The following SCAPER variants were observed in gnomAD, a reference collection of about 807,000 sequenced individuals.
SCAPER encodes S-phase cyclin A associated protein in the ER, also known as S phase cyclin A-associated protein in the endoplasmic reticulum.
In SCAPER, 98 loss-of-function variants were observed where a neutral mutation model predicts 182.2. That is an observed-to-expected ratio of 0.54 (90% confidence interval 0.46 to 0.64). The LOEUF is 0.64. Ranked by LOEUF, SCAPER falls within the 30% of genes least tolerant of loss-of-function variation. The pLI is 0.00. For synonymous variants in SCAPER, 605 were observed against 564.6 expected, an observed-to-expected ratio of 1.07 and a Z score of -1.01; for missense variants, 1,432 against 1,690.0, an observed-to-expected ratio of 0.85 and a Z score of 2.68.
chr15:76,404,570 C>T lies in SCAPER; in HGVS notation c.3421G>A (p.Gly1141Arg), dbSNP rs189390585. Reference protein sequence around the residue: ...KMAIFLQHAAGLLHAMCTLCF... With the variant: ...KMAIFLQHAARLLHAMCTLCF... ...AGTGTACACATTGCATGTAAGAGTC[C>T]TGCGGCATGCTGCAGAAATATGGCC... Residue 1141 changes from glycine to arginine, a missense_variant, in exon 27 of 32, where the codon GGA (glycine) becomes AGA (arginine). This residue lies in a region of SCAPER where 718 missense variants were observed against 799.7 expected (regional missense o/e 0.90). Coordinates refer to ENST00000563290, the MANE Select transcript of SCAPER (RefSeq NM_020843.4). The T allele has an allele frequency of 3.1e-6, 5 of 1,613,482 alleles. No individual in the cohort carries two copies. In the African/African-American group the frequency reaches 6.7e-5, roughly 22 times the overall value.
intron 8 of SCAPER, among the ~76,000 whole-genome samples, chr15:76,781,137 T>C (rs754906097): frequency 3.3e-5 from 5 of 152,132 alleles, no homozygotes; most frequent in East Asian, 3.9e-4. Flanking sequence ...CTAAAAAACA[T>C]TGAAAAAAGG....
intron 26 of SCAPER, among the ~76,000 whole-genome samples, chr15:76,431,704 A>AAAAAAAAAAAAAAAAAAAAAAGG (rs61401621): frequency 7.8e-6 from 1 of 127,514 alleles, no homozygotes; most frequent in African/African-American, 2.7e-5. Flanking sequence ...AAAAAAAAAA[A>AAAAAAAAAAAAAAAAAAAAAAGG]TGCTTTGTTT....
intron 22 of SCAPER, among the ~76,000 whole-genome samples, chr15:76,611,728 T>C (rs57178708): frequency 0.38 from 57,779 of 151,944 alleles, 13,034 homozygotes; most frequent in Middle Eastern, 0.52. Context: ...CAGTAGCACA[T>C]CAAAAAGCTT....
rs1596246295 is a variant in SCAPER, at chr15:76,348,335, G to C, written c.*298C>G. 1 of 190,562 alleles carries C rather than the reference G, an allele frequency of 5.2e-6. No homozygotes were observed. Among genetic ancestry groups the C allele is most frequent in the East Asian group, 1.3e-4 (1 of 7,850 alleles). 11.8% of individuals were successfully genotyped at this position (190,562 alleles called of 1,614,324 possible). A position where few individuals can be genotyped will look rare whatever the true frequency, so the allele number is the denominator to read the frequency against. ...TTTATTACAAGAACAAAACAGACTT[G>C]CTAATTTTATGTCTCCTTTCACCCA... is the stretch of plus-strand genomic sequence containing the variant. On this transcript the variant is annotated 3_prime_UTR_variant, in exon 32 of 32. Transcript: ENST00000563290.
chr15:76,779,123 GC>G (rs2063931857), intron 8 of SCAPER, among the ~76,000 whole-genome samples: 1 of 151,772 alleles, frequency 6.6e-6, no homozygotes, highest in Non-Finnish European at 1.5e-5. Flanking sequence ...TGGAAAAACA[GC>G]AACTGACAGA....
chr15:76,428,301 C>T (rs1179980629), intron 26 of SCAPER, among the ~76,000 whole-genome samples: 1 of 152,164 alleles, frequency 6.6e-6, no homozygotes, highest in Non-Finnish European at 1.5e-5. Flanking sequence ...GGTATCTACA[C>T]TCCCATGTTT....
intron 5 of SCAPER, among the ~76,000 whole-genome samples, chr15:76,829,175 C>T (rs2151701558): frequency 6.6e-6 from 1 of 152,180 alleles, no homozygotes; most frequent in East Asian, 1.9e-4. Context: ...GAGTTGGAGG[C>T]CATTATTCTA....
At chr15:76,546,828 T>C (rs2045335428) in intron 23 of SCAPER, among the ~76,000 whole-genome samples, 1 of 152,274 alleles carries the variant, frequency 6.6e-6, no homozygotes, top group Non-Finnish European at 1.5e-5. Flanking sequence ...TCTAGAAAGG[T>C]ATCTGGCATA....
intron 23 of SCAPER, among the ~76,000 whole-genome samples, chr15:76,540,468 T>C (rs1191013569): frequency 6.6e-6 from 1 of 152,130 alleles, no homozygotes; most frequent in African/African-American, 2.4e-5. Flanking sequence ...TGTGTTGACA[T>C]GAGATGTTCA....
chr15:76,713,835 A>G (rs1443023076), intron 17 of SCAPER, among the ~76,000 whole-genome samples: 1 of 152,136 alleles, frequency 6.6e-6, no homozygotes, highest in African/African-American at 2.4e-5. Context: ...AGTTTCCTAA[A>G]AAGTTTGATA....
At position 76,603,271 on chromosome 15, in the gene SCAPER, C is replaced by T. The variant is rs571688245; in HGVS notation, c.2711+18493G>A. ...TCATTGTTCAATTCCCACCTATGAG[C>T]GAGAACATGCGGTGTTTTTTTGTCC... On this transcript the variant is annotated intron_variant, in intron 22 of 31. Transcript: ENST00000563290. Among the ~76,000 whole-genome samples, 82 of 118,860 alleles carry T rather than the reference C, an allele frequency of 6.9e-4. 19 individuals carry two copies. The highest frequency in any genetic ancestry group is 4.3e-3 in the East Asian group (19 of 4,454). The allele number at this position is 118,860 out of a possible 152,430, so 78.0% of individuals were successfully genotyped here.
intron 28 of SCAPER, among the ~76,000 whole-genome samples, chr15:76,377,067 G>A (rs1272381508): frequency 2.0e-5 from 3 of 152,184 alleles, no homozygotes; most frequent in Non-Finnish European, 4.4e-5. Flanking sequence ...GAATATACTC[G>A]CAGCCCACAC....
intron 26 of SCAPER, among the ~76,000 whole-genome samples, chr15:76,409,501 G>C (rs888486316): frequency 6.7e-6 from 1 of 150,040 alleles, no homozygotes; most frequent in African/African-American, 2.5e-5. Context: ...TATACATTAT[G>C]TGTGTGTGTG....
chr15:76,905,026 G>C (rs1442583671), intron 1 of SCAPER, among the ~76,000 whole-genome samples: 1 of 152,106 alleles, frequency 6.6e-6, no homozygotes, highest in Non-Finnish European at 1.5e-5. Flanking sequence ...CCCCAGATGA[G>C]CCCGCAGGGC....
intron 22 of SCAPER, among the ~76,000 whole-genome samples, chr15:76,578,262 C>T (rs1240632355): frequency 2.6e-5 from 4 of 152,164 alleles, no homozygotes; most frequent in African/African-American, 4.8e-5. Context: ...TGGACCTGCT[C>T]GGGCCAGGCA....
chr15:76,411,404 AT>A (rs1165420180), intron 26 of SCAPER, among the ~76,000 whole-genome samples: 3 of 152,170 alleles, frequency 2.0e-5, no homozygotes, highest in Non-Finnish European at 4.4e-5. Flanking sequence ...ACTGGCAAGT[AT>A]AATGCAAATA....
At chr15:76,528,304 G>C (rs1046343484) in intron 23 of SCAPER, among the ~76,000 whole-genome samples, 6 of 151,860 alleles carry the variant, frequency 4.0e-5, no homozygotes, top group Non-Finnish European at 8.8e-5. Flanking sequence ...CATTTCTACT[G>C]TTTCCTTTAC....
At chr15:76,406,206 G>A (rs926996696) in intron 26 of SCAPER, among the ~76,000 whole-genome samples, 2 of 152,144 alleles carry the variant, frequency 1.3e-5, no homozygotes, top group Non-Finnish European at 1.5e-5. Flanking sequence ...AGCCAGACAC[G>A]GTGGATCACA....
intron 1 of SCAPER, among the ~76,000 whole-genome samples, chr15:76,885,843 C>T (rs1297795737): frequency 6.6e-6 from 1 of 152,154 alleles, no homozygotes; most frequent in Non-Finnish European, 1.5e-5. Flanking sequence ...GTTCATCCCA[C>T]CTTACAAAAA....
Sources: allele counts gnomAD v4.1 joint callset (sites outside exome capture counted in the v4.1 genomes callset), GRCh38; gene constraint gnomAD v4.1.1; regional missense constraint gnomAD v4.1.1; transcripts MANE v1.5; gene names NCBI Gene and HGNC (gene_info 2026-07-23, HGNC 2026-07-21).